Variants in LTBP1 observed in about 807,000 individuals in gnomAD.
The protein encoded by LTBP1 is latent transforming growth factor beta binding protein 1.
In LTBP1, 129 loss-of-function variants were observed where a neutral mutation model predicts 207.6. The ratio of observed to expected loss-of-function variants is 0.62; its 90% CI spans 0.54 to 0.72. LTBP1 has a LOEUF of 0.72. Among genes scored for constraint, LTBP1 ranks in the 30% least tolerant of loss-of-function variants. The pLI is 0.00. For missense variants in LTBP1, 2,281 were observed against 2,217.2 expected (o/e 1.03, Z -0.58); for synonymous variants, 963 against 833.7 (o/e 1.16, Z -2.67).
intron 13 of LTBP1, among the ~76,000 whole-genome samples, chr2:33,262,098 G>A (rs981366584): frequency 2.0e-5 from 3 of 152,180 alleles, no homozygotes; most frequent in Admixed American, 6.5e-5. Flanking sequence ...GGGGACAAGC[G>A]TGGGCACCAA....
intron 32 of LTBP1, among the ~76,000 whole-genome samples, chr2:33,390,567 C>G (rs1377543916): frequency 6.6e-6 from 1 of 151,936 alleles, no homozygotes; most frequent in Non-Finnish European, 1.5e-5. Flanking sequence ...CAGCTCACTG[C>G]AACTCTGCCT....
intron 5 of LTBP1, among the ~76,000 whole-genome samples, chr2:33,141,714 G>A (rs2082656903): frequency 6.6e-6 from 1 of 152,092 alleles, no homozygotes; most frequent in Non-Finnish European, 1.5e-5. Context: ...GTGTTGTGAG[G>A]AAACATCGCT....
At chr2:33,112,786 C>G (rs570316395) in intron 4 of LTBP1, among the ~76,000 whole-genome samples, 8 of 152,306 alleles carry the variant, frequency 5.3e-5, no homozygotes, top group African/African-American at 1.7e-4. Context: ...CATACTGTCT[C>G]TGCATACTCC....
intron 3 of LTBP1, among the ~76,000 whole-genome samples, chr2:33,109,181 G>C (rs184715116): frequency 7.5e-4 from 114 of 152,342 alleles, no homozygotes; most frequent in African/African-American, 2.7e-3. Flanking sequence ...CAATGAGAAT[G>C]AATCTGATAG....
intron 15 of LTBP1, among the ~76,000 whole-genome samples, chr2:33,270,988 ACTT>A (rs1047328928): frequency 6.6e-6 from 1 of 152,224 alleles, no homozygotes; most frequent in African/African-American, 2.4e-5. Context: ...AAAGAGTTAT[ACTT>A]CTTCACTATT....
intron 4 of LTBP1, among the ~76,000 whole-genome samples, chr2:33,118,095 T>A (rs1388075291): frequency 1.3e-5 from 2 of 151,162 alleles, no homozygotes; most frequent in East Asian, 3.9e-4. Flanking sequence ...GCTTTGCAGA[T>A]GGACCAAGTG....
chr2:33,321,319 T>C (rs1003220580), intron 24 of LTBP1, among the ~76,000 whole-genome samples: 6 of 152,210 alleles, frequency 3.9e-5, no homozygotes, highest in Non-Finnish European at 5.9e-5. Context: ...CACTCCTTGC[T>C]TACACATTCA....
chr2:33,080,431 G>A (rs1217425517), intron 3 of LTBP1, among the ~76,000 whole-genome samples: 1 of 152,112 alleles, frequency 6.6e-6, no homozygotes, highest in African/African-American at 2.4e-5. Flanking sequence ...CTGTTTGTCT[G>A]TTGTCTACTT....
At chr2:32,952,096 A>C (rs978137679) in intron 2 of LTBP1, among the ~76,000 whole-genome samples, 1 of 152,178 alleles carries the variant, frequency 6.6e-6, no homozygotes, top group Non-Finnish European at 1.5e-5. Flanking sequence ...AGAGGTTGGA[A>C]GTGTTCATGT....
At position 33,301,503 on chromosome 2, in the gene LTBP1, T is replaced by C. The variant is rs1228677731; in HGVS notation, c.3359-19T>C. 1 of 1,562,638 alleles carries C rather than the reference T, an allele frequency of 6.4e-7. No homozygotes were observed. The highest frequency in any genetic ancestry group is 1.2e-5 in the South Asian group (1 of 82,574). On this transcript the variant is annotated intron_variant, in intron 21 of 33. Transcript: ENST00000404816. ...TGAAGCACCACTTCCACAGTTTCTT[T>C]GTATTCTCTTGCTCATAGACATTGA...
intron 9 of LTBP1, among the ~76,000 whole-genome samples, chr2:33,224,611 A>C (rs2091328506): frequency 6.6e-6 from 1 of 152,200 alleles, no homozygotes. Flanking sequence ...ATTAATAGCT[A>C]TACTATTATT....
At chr2:33,310,239 C>A (rs887179299) in intron 23 of LTBP1, among the ~76,000 whole-genome samples, 4 of 152,188 alleles carry the variant, frequency 2.6e-5, no homozygotes, top group Non-Finnish European at 5.9e-5. Context: ...AGCCACTGCA[C>A]CTGGCTCACC....
At chr2:32,959,922 A>G (rs575999827) in intron 2 of LTBP1, among the ~76,000 whole-genome samples, 34 of 151,692 alleles carry the variant, frequency 2.2e-4, no homozygotes, top group African/African-American at 8.2e-4. Flanking sequence ...CACCCACCCT[A>G]TTATTGCTAT....
At chr2:33,238,676 C>T (rs1439905027) in intron 9 of LTBP1, among the ~76,000 whole-genome samples, 1 of 152,158 alleles carries the variant, frequency 6.6e-6, no homozygotes, top group Non-Finnish European at 1.5e-5. Context: ...GAATATTCCT[C>T]CTATTATTTT....
At chr2:33,252,498 C>G (rs1218130556) in intron 10 of LTBP1, among the ~76,000 whole-genome samples, 179 bp from the exon 11 acceptor site, 1 of 152,196 alleles carries the variant, frequency 6.6e-6, no homozygotes, top group Non-Finnish European at 1.5e-5. Flanking sequence ...GGTGCCCTGA[C>G]TCTAAAACTC....
At chr2:33,352,124 T>G (rs1168176060) in intron 26 of LTBP1, among the ~76,000 whole-genome samples, 1 of 152,014 alleles carries the variant, frequency 6.6e-6, no homozygotes, top group African/African-American at 2.4e-5. Flanking sequence ...TTGTGTCTAT[T>G]TATTTATTTA....
At chr2:33,088,643 C>T (rs2078895647) in intron 3 of LTBP1, among the ~76,000 whole-genome samples, 1 of 152,056 alleles carries the variant, frequency 6.6e-6, no homozygotes, top group Admixed American at 6.6e-5. Context: ...GATCCCTTGG[C>T]TTAGAACAGT....
At chr2:33,377,877 T>C (rs2095161177) in intron 31 of LTBP1, among the ~76,000 whole-genome samples, 1 of 152,092 alleles carries the variant, frequency 6.6e-6, no homozygotes, top group South Asian at 2.1e-4. Context: ...AGTGCCACAC[T>C]TGAAACCATC....
chr2:33,233,410 AG>A (rs1183232159), intron 9 of LTBP1, among the ~76,000 whole-genome samples: 1 of 152,070 alleles, frequency 6.6e-6, no homozygotes, highest in Non-Finnish European at 1.5e-5. Context: ...ATATTGTTTA[AG>A]TATTCATTTA....
Sources: gnomAD v4.1 joint callset for allele counts (sites outside exome capture counted in the v4.1 genomes callset) on GRCh38, gnomAD v4.1.1 for gene constraint, MANE v1.5 for transcripts, NCBI Gene and HGNC (gene_info 2026-07-23, HGNC 2026-07-21) for gene names.